BACH2: variants seen among roughly 807,000 people sequenced by gnomAD.
BACH2 encodes BACH transcriptional regulator 2.
BACH2 carries 5 observed loss-of-function variants against 61.8 expected under a neutral mutation model. The ratio of observed to expected loss-of-function variants is 0.08; its 90% CI spans 0.04 to 0.17. The LOEUF (loss-of-function observed/expected upper bound fraction) is 0.17, where lower values mean the gene tolerates loss of function less well. Ranked by LOEUF, BACH2 falls within the 10% of genes least tolerant of loss-of-function variation. The pLI is 1.00. For missense variants in BACH2, 824 were observed against 1,091.1 expected (o/e 0.76, Z 3.45); for synonymous variants, 446 against 440.1 (o/e 1.01, Z -0.17).
At chr6:90,190,952 T>G (rs569504840) in intron 4 of BACH2, among the ~76,000 whole-genome samples, 1 of 152,318 alleles carries the variant, frequency 6.6e-6, no homozygotes. Context: ...CTGAAAATGA[T>G]GCAGATAGCA....
chr6:90,031,401 A>G (rs1235636649), intron 5 of BACH2, among the ~76,000 whole-genome samples: 1 of 152,194 alleles, frequency 6.6e-6, no homozygotes, highest in Non-Finnish European at 1.5e-5. Flanking sequence ...TTAGGAAAAG[A>G]GGAAGTCAAA....
intron 5 of BACH2, among the ~76,000 whole-genome samples, chr6:90,058,605 C>T (rs1285791250): frequency 6.6e-6 from 1 of 151,924 alleles, no homozygotes; most frequent in Non-Finnish European, 1.5e-5. Flanking sequence ...ACTTTCTTCA[C>T]AGAACTGGAA....
chr6:90,069,672 C>G (rs1781131503), intron 5 of BACH2, among the ~76,000 whole-genome samples: 1 of 152,146 alleles, frequency 6.6e-6, no homozygotes, highest in African/African-American at 2.4e-5. Context: ...CACATAACAT[C>G]TTGTTTTGAA....
At chr6:90,000,728 G>T (rs935736704) in intron 6 of BACH2, among the ~76,000 whole-genome samples, 1 of 152,166 alleles carries the variant, frequency 6.6e-6, no homozygotes, top group Non-Finnish European at 1.5e-5. Flanking sequence ...GCCATGATCC[G>T]CCTATGTTCT....
intron 3 of BACH2, among the ~76,000 whole-genome samples, chr6:90,211,313 G>A (rs1213458400): frequency 6.6e-6 from 1 of 152,066 alleles, no homozygotes; most frequent in East Asian, 1.9e-4. Flanking sequence ...CGCTATGGAA[G>A]AGACCCAGAG....
intron 6 of BACH2, among the ~76,000 whole-genome samples, chr6:89,995,258 G>T (rs1357343107): frequency 6.5e-5 from 8 of 122,792 alleles, no homozygotes; most frequent in Non-Finnish European, 1.0e-4. Context: ...ACCATCCCCC[G>T]ACCCCAGATT....
At chr6:90,105,121 G>A (rs1034340754) in intron 4 of BACH2, among the ~76,000 whole-genome samples, 4 of 152,218 alleles carry the variant, frequency 2.6e-5, no homozygotes, top group Non-Finnish European at 5.9e-5. Flanking sequence ...ATGTGGATCA[G>A]GGCTGGGAAG....
chr6:90,196,194 G>C (rs543187082), intron 4 of BACH2, among the ~76,000 whole-genome samples: 42 of 151,730 alleles, frequency 2.8e-4, no homozygotes, highest in African/African-American at 9.4e-4. Flanking sequence ...AACTTGATTA[G>C]AATAGGTGAA....
intron 4 of BACH2, among the ~76,000 whole-genome samples, chr6:90,141,488 C>CG (rs1270643508): frequency 6.9e-6 from 1 of 145,800 alleles, no homozygotes; most frequent in Non-Finnish European, 1.5e-5. Flanking sequence ...GCCCCGATCC[C>CG]GTTTTTTTTT....
intron 3 of BACH2, among the ~76,000 whole-genome samples, chr6:90,238,175 C>T (rs939025145): frequency 7.2e-5 from 11 of 152,194 alleles, no homozygotes; most frequent in African/African-American, 2.7e-4. Context: ...TTATAATAGT[C>T]TCATAACCCC....
chr6:90,264,788 C>T (rs900687824), intron 2 of BACH2, among the ~76,000 whole-genome samples: 3 of 152,176 alleles, frequency 2.0e-5, no homozygotes, highest in Non-Finnish European at 2.9e-5. Context: ...CCCTGGTTCA[C>T]CTGCTGTCTC....
chr6:90,294,462 A>G (rs1200920097), intron 1 of BACH2, among the ~76,000 whole-genome samples: 1 of 152,214 alleles, frequency 6.6e-6, no homozygotes, highest in East Asian at 1.9e-4. Flanking sequence ...CCAGAATACT[A>G]GAAGGGAAAA....
chr6:90,037,097 T>C (rs1163376242), intron 5 of BACH2, among the ~76,000 whole-genome samples: 1 of 152,168 alleles, frequency 6.6e-6, no homozygotes, highest in East Asian at 1.9e-4. Context: ...GTGAGAACCA[T>C]GGGATTCATT....
At chr6:90,255,264 T>C (rs1400890282) in intron 2 of BACH2, among the ~76,000 whole-genome samples, 5 of 152,240 alleles carry the variant, frequency 3.3e-5, no homozygotes, top group Non-Finnish European at 7.3e-5. Flanking sequence ...CAATAAGCAA[T>C]ATTTATTCAT....
chr6:90,264,464 TCTC>T (rs1771263289), intron 2 of BACH2, among the ~76,000 whole-genome samples: 1 of 152,148 alleles, frequency 6.6e-6, no homozygotes, highest in Non-Finnish European at 1.5e-5. Flanking sequence ...GATTCTTTCA[TCTC>T]CTCTCTAGGT....
intron 8 of BACH2, among the ~76,000 whole-genome samples, chr6:89,935,843 A>T (rs1432950320): frequency 1.3e-5 from 2 of 152,196 alleles, no homozygotes; most frequent in African/African-American, 4.8e-5. Context: ...CACTATAGAC[A>T]TGTGCCTAGG....
At chr6:90,070,497 C>T (rs577856901) in intron 5 of BACH2, among the ~76,000 whole-genome samples, 103 of 152,222 alleles carry the variant, frequency 6.8e-4, no homozygotes, top group African/African-American at 1.8e-3. Context: ...CACAGCATGG[C>T]GGTTGGGGTT....
intron 5 of BACH2, among the ~76,000 whole-genome samples, chr6:90,070,273 C>T (rs1381813191): frequency 1.3e-5 from 2 of 152,258 alleles, no homozygotes; most frequent in East Asian, 3.9e-4. Context: ...ATATCATTTC[C>T]ATTTTGCATG....
rs1240658409 is a variant in BACH2 at position 89,930,568 on chromosome 6, A to G, written c.*1840T>C. On this transcript the variant is annotated 3_prime_UTR_variant, in exon 9 of 9. Coordinates refer to ENST00000257749, the MANE Select transcript of BACH2 (RefSeq NM_021813.4). ...GGCTGCTCAGTGAGACCCGGACCCA[A>G]GGCCACTGGAGCGAGGGAGCTGATT... is the stretch of plus-strand genomic sequence containing the variant. 2.0e-5 allele frequency: 3 copies of G among 152,800 alleles called. No homozygotes were observed. Among genetic ancestry groups the G allele is most frequent in the African/African-American group, 7.2e-5 (3 of 41,440 alleles). The allele number at this position is 152,800 out of a possible 1,614,324, so 9.5% of individuals were successfully genotyped here.
Sources: allele counts gnomAD v4.1 joint callset (sites outside exome capture counted in the v4.1 genomes callset), GRCh38; gene constraint gnomAD v4.1.1; transcripts MANE v1.5; gene names NCBI Gene and HGNC (gene_info 2026-07-23, HGNC 2026-07-21).